The following MBP variants were observed in gnomAD, a reference collection of about 807,000 sequenced individuals.
The protein encoded by MBP is myelin basic protein, also known as Golli-MBP.
In MBP, 16 loss-of-function variants were observed where a neutral mutation model predicts 35.8. The ratio of observed to expected loss-of-function variants is 0.45; its 90% CI spans 0.30 to 0.68. MBP has a LOEUF of 0.68. MBP is among the 30% of genes least tolerant of loss of function. The pLI, the probability that MBP is intolerant of heterozygous loss-of-function variation, is 0.08. For missense variants in MBP, 380 were observed against 404.7 expected (o/e 0.94, Z 0.52); for synonymous variants, 143 against 159.6 (o/e 0.90, Z 0.78).
At chr18:77,029,762 T>C (rs1000121885) in intron 3 of MBP, among the ~76,000 whole-genome samples, 1 of 150,068 alleles carries the variant, frequency 6.7e-6, no homozygotes, top group African/African-American at 2.4e-5. Flanking sequence ...GTGTTCTATG[T>C]TCCCATAAAA....
chr18:77,084,430 AC>A (rs202065376), intron 2 of MBP, among the ~76,000 whole-genome samples: 18,065 of 47,600 alleles, frequency 0.38, 1,906 homozygotes, highest in Non-Finnish European at 0.45. Flanking sequence ...GCCACACCAC[AC>A]CACACACACA....
chr18:77,095,275 C>T (rs1975709911), intron 2 of MBP: 1 of 152,278 alleles, frequency 6.6e-6, no homozygotes, highest in South Asian at 2.1e-4. Context: ...GTCTTTAGCC[C>T]CTACTTTTCA....
chr18:77,122,722 C>T (rs1030723625), intron 1 of MBP, among the ~76,000 whole-genome samples: 117 of 152,080 alleles, frequency 7.7e-4, no homozygotes, highest in African/African-American at 2.7e-3. Context: ...TTTGTATTTT[C>T]AGTAGAGACA....
At chr18:77,014,391 G>A (rs895377488) in intron 4 of MBP, 2 of 985,436 alleles carry the variant, frequency 2.0e-6, no homozygotes, top group Non-Finnish European at 1.2e-6. Flanking sequence ...GCAGGAATCT[G>A]CCAGGAAAAC....
In MBP at chr18:77,081,161, C is replaced by T. The variant is rs572374370; in HGVS notation, c.52-14776G>A. 2.6e-5 allele frequency among the ~76,000 whole-genome samples: 4 copies of T among 152,220 alleles called. No individual in the cohort carries two copies. In the East Asian group the frequency reaches 5.8e-4, roughly 22 times the overall value. On this transcript the variant is annotated intron_variant, in intron 2 of 8. Coordinates refer to ENST00000355994, the MANE Select transcript of MBP (RefSeq NM_001025101.2). ...GTCCTTAAAACAAGTGCCTCCTGGG[C>T]GGCAGCTCTTAGAGATGACACGGAA...
chr18:77,009,143 T>G (rs1441362988), intron 4 of MBP, among the ~76,000 whole-genome samples: 2 of 152,234 alleles, frequency 1.3e-5, no homozygotes, highest in African/African-American at 2.4e-5. Flanking sequence ...GCTCCTAGTG[T>G]GCAAACGGCA....
intron 2 of MBP, among the ~76,000 whole-genome samples, chr18:77,079,483 T>G (rs934816402): frequency 3.9e-5 from 6 of 152,254 alleles, no homozygotes; most frequent in Non-Finnish European, 7.3e-5. Flanking sequence ...ATTCTCTCAC[T>G]TTGCATTTCC....
rs12456666 is a variant in MBP, at chr18:77,082,063, G to T, written c.52-15678C>A. Among the ~76,000 whole-genome samples the T allele has an allele frequency of 5.3e-5, 8 of 150,856 alleles. 1 individual carries two copies. The highest frequency in any genetic ancestry group is 4.2e-4 in the South Asian group (2 of 4,730). On this transcript the variant is annotated intron_variant, in intron 2 of 8. Transcript: ENST00000355994. ...GAGACGGGGTTTCACTGTGTTAGCC[G>T]GGATGGTTTCGATCTCCTGACCTTG...
At chr18:77,067,158 C>CT (rs1285569666) in intron 2 of MBP, among the ~76,000 whole-genome samples, 7 of 152,210 alleles carry the variant, frequency 4.6e-5, no homozygotes, top group Non-Finnish European at 1.0e-4. Flanking sequence ...TTCAAATGCT[C>CT]TAGAAAGTGC....
rs764696659 is a variant in MBP at position 76,989,913 on chromosome 18, T to G, written c.681+43A>C. On this transcript the variant is annotated intron_variant, in intron 5 of 8. Coordinates refer to ENST00000355994, the MANE Select transcript of MBP (RefSeq NM_001025101.2). This position sits in a 1 kb window ranked among gnomAD's most constrained non-coding sequence, Gnocchi z 4.0. ...TGACAGCAGTGGCCAGCACCCCTCC[T>G]CCCCCTCACAGTTGCTACCTCTTCC... 1.5e-5 allele frequency: 23 copies of G among 1,520,602 alleles called. No homozygotes were observed. The highest frequency in any genetic ancestry group is 2.1e-5 in the Non-Finnish European group (23 of 1,097,504). The allele number at this position is 1,520,602 out of a possible 1,614,324, so 94.2% of individuals were successfully genotyped here.
chr18:77,072,656 T>C (rs1366112099), intron 2 of MBP, among the ~76,000 whole-genome samples: 3 of 152,234 alleles, frequency 2.0e-5, no homozygotes, highest in Admixed American at 6.5e-5. Flanking sequence ...GTTATCAGAA[T>C]AAGCCCTTAT....
At chr18:77,022,291 G>A (rs1599086375) in intron 3 of MBP, among the ~76,000 whole-genome samples, 1 of 152,184 alleles carries the variant, frequency 6.6e-6, no homozygotes, top group South Asian at 2.1e-4. Context: ...GATTGCGTAC[G>A]GCTGCCAGTG....
intron 3 of MBP, among the ~76,000 whole-genome samples, chr18:77,049,318 T>G (rs970193915): frequency 3.9e-5 from 6 of 152,234 alleles, no homozygotes; most frequent in African/African-American, 1.4e-4. Flanking sequence ...TAGAATAAGT[T>G]TTATTTCAAA....
At chr18:77,022,662 T>C (rs1007423359) in intron 3 of MBP, among the ~76,000 whole-genome samples, 7 of 152,178 alleles carry the variant, frequency 4.6e-5, no homozygotes, top group African/African-American at 7.2e-5. Flanking sequence ...AGGAAAACAA[T>C]AGCTATATTG....
intron 4 of MBP, among the ~76,000 whole-genome samples, chr18:77,001,543 A>G (rs1970636458): frequency 1.3e-5 from 2 of 152,210 alleles, no homozygotes; most frequent in Non-Finnish European, 2.9e-5. Flanking sequence ...AACTTGGATG[A>G]CTTACTTAAG....
chr18:77,068,686 C>T (rs1974308718), intron 2 of MBP, among the ~76,000 whole-genome samples: 2 of 152,228 alleles, frequency 1.3e-5, no homozygotes, highest in South Asian at 4.1e-4. Flanking sequence ...CTGCTGCTTT[C>T]CAGATTGCGA....
At chr18:77,037,980 G>T (rs143334084) in intron 3 of MBP, among the ~76,000 whole-genome samples, 194 of 152,298 alleles carry the variant, frequency 1.3e-3, no homozygotes, top group African/African-American at 4.5e-3. Flanking sequence ...GAATGATAAG[G>T]CAATCGATAT....
intron 7 of MBP, 173 bp from the exon 8 acceptor site, chr18:76,985,067 G>A: frequency 6.7e-7 from 1 of 1,487,754 alleles, no homozygotes; most frequent in Non-Finnish European, 9.1e-7. Flanking sequence ...GGCGGGAGAG[G>A]CTGCTCCCCC....
At chr18:76,987,641 C>T (rs1181104835) in intron 7 of MBP, 1 of 985,978 alleles carries the variant, frequency 1.0e-6, no homozygotes, top group African/African-American at 1.7e-5. Flanking sequence ...TGTAGGTAGG[C>T]TCTGTTCTAG....
Sources: allele counts gnomAD v4.1 joint callset (sites outside exome capture counted in the v4.1 genomes callset), GRCh38; gene constraint gnomAD v4.1.1; non-coding constraint Gnocchi (gnomAD v3.1); transcripts MANE v1.5; gene names NCBI Gene and HGNC (gene_info 2026-07-23, HGNC 2026-07-21).